Variants in CACNG4 observed in about 807,000 individuals in gnomAD.
CACNG4 encodes calcium voltage-gated channel auxiliary subunit gamma 4, also known as voltage-dependent calcium channel gamma-4 subunit.
CACNG4 carries 8 observed loss-of-function variants against 22.9 expected under a neutral mutation model. The observed-to-expected ratio is 0.35, with a 90% CI of 0.21 to 0.63. CACNG4 has a LOEUF of 0.63. CACNG4 is among the 30% of genes least tolerant of loss of function. The pLI is 0.72. For missense variants in CACNG4, 357 were observed against 455.4 expected (o/e 0.78, Z 1.97); for synonymous variants, 188 against 191.9 (o/e 0.98, Z 0.17).
rs930624772 is a variant in CACNG4 at position 67,018,373 on chromosome 17, G to A, written c.304+101G>A. 90 of 823,008 alleles carry A rather than the reference G, an allele frequency of 1.1e-4. No homozygotes were observed. The African/African-American group carries it at 1.3e-3, about 12-fold the overall frequency. 51.0% of individuals were successfully genotyped at this position (823,008 alleles called of 1,614,324 possible). On this transcript the variant is annotated intron_variant, in intron 2 of 3. Coordinates refer to ENST00000262138, the MANE Select transcript of CACNG4 (RefSeq NM_014405.4). ...GACACTGGGCATGGAGAGGGTGATT[G>A]TCTTGGGATGGTCCACTCACTGTCT...
At chr17:66,979,144 G>T (rs1332731300) in intron 1 of CACNG4, among the ~76,000 whole-genome samples, 1 of 152,106 alleles carries the variant, frequency 6.6e-6, no homozygotes, top group Non-Finnish European at 1.5e-5. Context: ...TCCTTTTTGT[G>T]TGAGCATCCT....
At chr17:66,975,193 G>T (rs886418449) in intron 1 of CACNG4, among the ~76,000 whole-genome samples, 4 of 152,174 alleles carry the variant, frequency 2.6e-5, no homozygotes, top group African/African-American at 9.7e-5. Flanking sequence ...GACAGAGCCT[G>T]GGAAAAACCA....
rs149521170 is a variant in CACNG4 at position 66,990,704 on chromosome 17, G to A, written c.220+25573G>A. 7.8e-3 allele frequency among the ~76,000 whole-genome samples: 1,113 copies of A among 142,848 alleles called. 13 individuals are homozygous for A. Among genetic ancestry groups the A allele is most frequent in the African/African-American group, 0.029 (1,066 of 36,502 alleles). 93.7% of individuals were successfully genotyped at this position (142,848 alleles called of 152,430 possible). The stretch of plus-strand genomic sequence containing the variant: ...TATTTTATTTATTTATTTTTGAGAC[G>A]GAGTCTCGCTCTATCGCCCAGGCTG... On this transcript the variant is annotated intron_variant, in intron 1 of 3. Coordinates refer to ENST00000262138, the MANE Select transcript of CACNG4 (RefSeq NM_014405.4).
intron 1 of CACNG4, among the ~76,000 whole-genome samples, chr17:67,010,742 T>C (rs1275741097): frequency 6.6e-6 from 1 of 152,076 alleles, no homozygotes; most frequent in East Asian, 1.9e-4. Flanking sequence ...CCTGGAAACA[T>C]AGAGCCCTCC....
chr17:67,008,954 GAAAA>G (rs931296971), intron 1 of CACNG4, among the ~76,000 whole-genome samples: 1 of 151,842 alleles, frequency 6.6e-6, no homozygotes, highest in African/African-American at 2.4e-5. Context: ...GTCTCAAAAA[GAAAA>G]AAATGAGGCC....
intron 3 of CACNG4, among the ~76,000 whole-genome samples, chr17:67,028,021 A>G (rs2035578375): frequency 6.6e-6 from 1 of 151,970 alleles, no homozygotes; most frequent in African/African-American, 2.4e-5. Flanking sequence ...CTCTGTCTCA[A>G]AAAAAATAAA....
intron 3 of CACNG4, among the ~76,000 whole-genome samples, chr17:67,029,348 G>A (rs561499790): frequency 2.7e-5 from 4 of 148,242 alleles, no homozygotes; most frequent in African/African-American, 5.0e-5. Flanking sequence ...AAAAACAAAC[G>A]AGGCCGGGTG....
At chr17:67,025,896 T>G (rs1046074962) in intron 3 of CACNG4, among the ~76,000 whole-genome samples, 5 of 150,514 alleles carry the variant, frequency 3.3e-5, no homozygotes. Context: ...GGAGCCAAGG[T>G]GCCGGGCCCC....
chr17:67,026,655 G>A (rs542915166), intron 3 of CACNG4, among the ~76,000 whole-genome samples: 43 of 150,968 alleles, frequency 2.8e-4, no homozygotes, highest in Middle Eastern at 3.4e-3. Context: ...TGTAGTGTGC[G>A]TGTGTGTATT....
intron 1 of CACNG4, among the ~76,000 whole-genome samples, chr17:66,997,541 G>T (rs1434066497): frequency 4.6e-5 from 7 of 152,224 alleles, no homozygotes; most frequent in African/African-American, 1.4e-4. Flanking sequence ...ACCAGGCAGG[G>T]TGTAGTGGCT....
chr17:66,982,323 T>C (rs150734132), intron 1 of CACNG4, among the ~76,000 whole-genome samples: 205 of 152,332 alleles, frequency 1.3e-3, no homozygotes, highest in African/African-American at 3.7e-3. Flanking sequence ...TACAGAGTGC[T>C]GATTGATCTA....
intron 3 of CACNG4, among the ~76,000 whole-genome samples, chr17:67,025,956 G>A (rs998253775): frequency 2.6e-5 from 4 of 152,220 alleles, no homozygotes; most frequent in Non-Finnish European, 2.9e-5. Flanking sequence ...ATAAATAGAC[G>A]TGTGTGTGGA....
chr17:66,965,022 C>A lies in CACNG4; in HGVS notation c.111C>A (p.Ser37Arg), dbSNP rs775368039. ...GCACCGACTACTGGCTGTACTCCAGCGCGCACATCTGCAACGGCACCAACC... is the reference window on the plus strand; with the variant it reads ...GCACCGACTACTGGCTGTACTCCAGAGCGCACATCTGCAACGGCACCAACC... ...AIGTDYWLYS[S>R]AHICNGTNLT... Residue 37 changes from serine (S) to arginine (R), a missense_variant, in exon 1 of 4, where the codon AGC becomes AGA. Coordinates refer to ENST00000262138, the MANE Select transcript of CACNG4 (RefSeq NM_014405.4). 3.7e-6 allele frequency: 6 copies of A among 1,611,302 alleles called. No homozygotes were observed. The East Asian group carries it at 1.1e-4, about 30-fold the overall frequency.
Position 66,965,194 on chromosome 17 carries a change from ACGCGCGCGCGCGCGCG to A in CACNG4, c.220+67_220+82del, listed in dbSNP as rs1158411001. On this transcript the variant is annotated intron_variant, in intron 1 of 3. Transcript: ENST00000262138. ...CACACACACACACACACATATACACACGCGCGCGCGCGCGCGCGCACACACACACACGCGCACACAC... is the reference window on the plus strand; with the variant it reads ...CACACACACACACACACATATACACACGCACACACACACACGCGCACACAC... 4.8e-5 allele frequency: 44 copies of A among 909,808 alleles called. 4 individuals are homozygous for A. In the Admixed American group the frequency reaches 6.6e-4, roughly 14 times the overall value. 56.4% of individuals were successfully genotyped at this position (909,808 alleles called of 1,614,324 possible).
intron 1 of CACNG4, among the ~76,000 whole-genome samples, chr17:67,004,149 C>G (rs1489871530): frequency 6.6e-6 from 1 of 152,136 alleles, no homozygotes; most frequent in Non-Finnish European, 1.5e-5. Context: ...AAGAAAGAAA[C>G]AACAACAACA....
At chr17:66,980,763 C>T (rs1034791872) in intron 1 of CACNG4, among the ~76,000 whole-genome samples, 6 of 151,572 alleles carry the variant, frequency 4.0e-5, no homozygotes, top group African/African-American at 1.2e-4. Flanking sequence ...GAATTACAGG[C>T]GTGCACCACC....
chr17:66,968,048 G>A (rs557634180), intron 1 of CACNG4, among the ~76,000 whole-genome samples: 3 of 152,294 alleles, frequency 2.0e-5, no homozygotes, highest in Admixed American at 6.5e-5. Context: ...ACATTACCGC[G>A]TGGCCTGCCC....
intron 1 of CACNG4, among the ~76,000 whole-genome samples, chr17:66,998,835 C>A (rs1403621540): frequency 6.6e-6 from 1 of 152,232 alleles, no homozygotes; most frequent in East Asian, 1.9e-4. Flanking sequence ...AACAGACACA[C>A]CAGTTAACTG....
chr17:67,000,932 T>C (rs2035404347), intron 1 of CACNG4, among the ~76,000 whole-genome samples: 1 of 151,976 alleles, frequency 6.6e-6, no homozygotes, highest in Non-Finnish European at 1.5e-5. Flanking sequence ...ATCTTGTATA[T>C]CAGATGGTTA....
Sources: allele counts gnomAD v4.1 joint callset (sites outside exome capture counted in the v4.1 genomes callset), GRCh38; gene constraint gnomAD v4.1.1; transcripts MANE v1.5; gene names NCBI Gene and HGNC (gene_info 2026-07-23, HGNC 2026-07-21).